FMN2: variants seen among roughly 807,000 people sequenced by gnomAD.
FMN2 encodes the protein formin-2.
FMN2 carries 51 observed loss-of-function variants against 142.3 expected under a neutral mutation model. That is an observed-to-expected ratio of 0.36 (90% confidence interval 0.29 to 0.45). The LOEUF is 0.45. FMN2 is among the 20% of genes least tolerant of loss of function. FMN2 has a pLI of 1.00. For synonymous variants in FMN2, 882 were observed against 869.8 expected, an observed-to-expected ratio of 1.01 and a Z score of -0.25; for missense variants, 1,936 against 2,122.8, an observed-to-expected ratio of 0.91 and a Z score of 1.73.
rs1661057596 is a variant in FMN2, at chr1:240,093,075, T to C, written c.966T>C (p.Ala322=). The part of the protein sequence containing the change: ...PAAKDSPSST[A]FPFPEAGPGE... Reference sequence around the variant, plus strand: ...CCAAAGACTCGCCCTCCTCCACGGCTTTCCCATTTCCCGAGGCCGGGCCGG... The same window carrying C: ...CCAAAGACTCGCCCTCCTCCACGGCCTTCCCATTTCCCGAGGCCGGGCCGG... The change falls in exon 1 of 18, where the codon GCT becomes GCC. Residue 322 remains alanine (A), a synonymous_variant. Coordinates refer to ENST00000319653, the MANE Select transcript of FMN2 (RefSeq NM_020066.5). 2 of 1,394,424 alleles carry C rather than the reference T, an allele frequency of 1.4e-6. No homozygotes were observed. The highest frequency in any genetic ancestry group is 1.6e-5 in the South Asian group (1 of 61,540). The allele number at this position is 1,394,424 out of a possible 1,614,324, so 86.4% of individuals were successfully genotyped here. A position where few individuals can be genotyped will look rare whatever the true frequency, so the allele number is the denominator to read the frequency against.
At chr1:240,116,769 T>A (rs575157927) in intron 1 of FMN2, among the ~76,000 whole-genome samples, 87 of 149,082 alleles carry the variant, frequency 5.8e-4, no homozygotes, top group African/African-American at 2.1e-3. Flanking sequence ...AAAAAAAAAA[T>A]GGAAACAAAA....
intron 14 of FMN2, among the ~76,000 whole-genome samples, chr1:240,388,876 A>G (rs865914556): frequency 1.2e-3 from 180 of 144,192 alleles, no homozygotes; most frequent in African/African-American, 4.7e-3. Context: ...AAAAAAAAAA[A>G]AGGGGGGGGG....
chr1:240,208,512 C>A lies in FMN2; in HGVS notation c.3700C>A (p.Pro1234Thr). ...CCCTCCACCTGGGACAGGAATCCCA[C>A]CGCCCCCTCTGCTTCCTGTATCAGG... ...PLPPPGTGIP[P>T]PPLLPVSGPP... The change falls in exon 5 of 18, where the codon CCG becomes ACG. Residue 1234 changes from proline (P) to threonine (T), a missense_variant. Coordinates refer to ENST00000319653, the MANE Select transcript of FMN2 (RefSeq NM_020066.5). 1 of 1,612,488 alleles carries A rather than the reference C, an allele frequency of 6.2e-7. No individual in the cohort carries two copies. The highest frequency in any genetic ancestry group is 1.3e-5 in the African/African-American group (1 of 74,640).
At chr1:240,270,354 A>G (rs1668959029) in intron 7 of FMN2, among the ~76,000 whole-genome samples, 1 of 152,088 alleles carries the variant, frequency 6.6e-6, no homozygotes, top group East Asian at 1.9e-4. Flanking sequence ...ATAACAATAG[A>G]ATTTCCACAT....
chr1:240,170,084 A>G, intron 2 of FMN2: 1 of 594,990 alleles, frequency 1.7e-6, no homozygotes, highest in Non-Finnish European at 3.0e-6. Flanking sequence ...TGGAATGAGA[A>G]TAGCAACAGT....
intron 14 of FMN2, among the ~76,000 whole-genome samples, chr1:240,367,550 C>T (rs531634880): frequency 3.9e-5 from 6 of 151,916 alleles, no homozygotes; most frequent in Non-Finnish European, 7.4e-5. Context: ...GGGTGGATCA[C>T]GAGGTCAGGA....
In FMN2 at chr1:240,290,781, T is replaced by TTTTTTG. The variant is rs1558415160; in HGVS notation, c.4154-4036_4154-4035insGTTTTT. ...TCTGGAGTGATGTCTGTTTGTTTGG[T>TTTTTTG]TTTTTTTTTTTGTTTTTTTTTTTTT... On this transcript the variant is annotated intron_variant, in intron 7 of 17. Transcript: ENST00000319653. Among the ~76,000 whole-genome samples the TTTTTTG allele has an allele frequency of 3.4e-3, 296 of 85,810 alleles. 1 individual carries two copies. The highest frequency in any genetic ancestry group is 9.3e-3 in the South Asian group (28 of 3,000). 56.3% of individuals were successfully genotyped at this position (85,810 alleles called of 152,430 possible). A position where few individuals can be genotyped will look rare whatever the true frequency, so the allele number is the denominator to read the frequency against.
chr1:240,273,403 A>G (rs1669087682), intron 7 of FMN2, among the ~76,000 whole-genome samples: 2 of 152,176 alleles, frequency 1.3e-5, no homozygotes. Flanking sequence ...TATGATCTAA[A>G]CACAGGCATT....
At chr1:240,374,071 G>C (rs1397729088) in intron 14 of FMN2, among the ~76,000 whole-genome samples, 1 of 152,154 alleles carries the variant, frequency 6.6e-6, no homozygotes, top group Non-Finnish European at 1.5e-5. Context: ...TGGGTGACCA[G>C]GTTCATGGTC....
chr1:240,329,438 C>A lies in FMN2; in HGVS notation c.4407C>A (p.Arg1469=). ...CAGAAAGCATTTGCTCAATTCGTCG[C>A]AAACTGGAATTACTACAGAAATTGT... ...TFSESICSIR[R]KLELLQKLCE... Residue 1469 remains arginine (R), a synonymous_variant, in exon 10 of 18, where the codon CGC becomes CGA. Transcript: ENST00000319653. 1 of 1,614,018 alleles carries A rather than the reference C, an allele frequency of 6.2e-7. No homozygotes were observed. Among genetic ancestry groups the A allele is most frequent in the Non-Finnish European group, 8.5e-7 (1 of 1,179,960 alleles).
intron 15 of FMN2, among the ~76,000 whole-genome samples, chr1:240,397,324 A>C (rs147828973): frequency 3.9e-5 from 6 of 152,080 alleles, no homozygotes; most frequent in Non-Finnish European, 8.8e-5. Flanking sequence ...GATTTGTTTA[A>C]GTTCCTTGTA....
chr1:240,117,079 T>C (rs547025557), intron 1 of FMN2, among the ~76,000 whole-genome samples: 1 of 152,218 alleles, frequency 6.6e-6, no homozygotes, highest in East Asian at 1.9e-4. Flanking sequence ...AAGTGAGATC[T>C]TGGCACGCAA....
Position 240,413,120 on chromosome 1 carries a change from C to CTCA in FMN2, c.4910+20558_4910+20559insTCA, listed in dbSNP as rs1259612812. ...CCTGGGCGACAAAGCGAGACTCTGT[C>CTCA]AAAAAAAAAAAAAAAAAAAAAAAAA... On this transcript the variant is annotated intron_variant, in intron 15 of 17. Transcript: ENST00000319653. 6.9e-4 allele frequency among the ~76,000 whole-genome samples: 17 copies of CTCA among 24,584 alleles called. 1 individual carries two copies. Among genetic ancestry groups the CTCA allele is most frequent in the African/African-American group, 2.0e-3 (17 of 8,628 alleles). 16.1% of individuals were successfully genotyped at this position (24,584 alleles called of 152,430 possible).
chr1:240,220,619 A>G (rs1667068403), intron 6 of FMN2, among the ~76,000 whole-genome samples: 1 of 152,042 alleles, frequency 6.6e-6, no homozygotes, highest in African/African-American at 2.4e-5. Flanking sequence ...CTAACCTCAT[A>G]CAGACCCACC....
chr1:240,215,357 C>T (rs1294919870), intron 6 of FMN2, among the ~76,000 whole-genome samples: 1 of 152,092 alleles, frequency 6.6e-6, no homozygotes, highest in Admixed American at 6.5e-5. Context: ...AGACAGGCAC[C>T]GTTAGCCTCA....
At chr1:240,136,007 G>T (rs1313905913) in intron 2 of FMN2, among the ~76,000 whole-genome samples, 1 of 150,860 alleles carries the variant, frequency 6.6e-6, no homozygotes, top group Non-Finnish European at 1.5e-5. Flanking sequence ...TCAATTTATA[G>T]TAATTTGTCC....
At chr1:240,210,975 T>G (rs1666668413) in intron 5 of FMN2, 116 bp from the exon 6 acceptor site, 1 of 884,292 alleles carries the variant, frequency 1.1e-6, no homozygotes, top group Middle Eastern at 3.7e-4. Flanking sequence ...CTCTCTTCTT[T>G]TTCCCTCCTT....
At chr1:240,467,837 TTAAAA>T (rs1676671800) in intron 16 of FMN2, among the ~76,000 whole-genome samples, 2 of 152,236 alleles carry the variant, frequency 1.3e-5, no homozygotes, top group African/African-American at 2.4e-5. Context: ...TTGTAAAATA[TTAAAA>T]TAAACATCAA....
chr1:240,093,458 C>A lies in FMN2; in HGVS notation c.1349C>A (p.Ser450Tyr), dbSNP rs973142541. 2 of 1,613,518 alleles carry A rather than the reference C, an allele frequency of 1.2e-6. No homozygotes were observed. Among genetic ancestry groups the A allele is most frequent in the South Asian group, 2.2e-5 (2 of 91,042 alleles). Reference sequence around the variant, plus strand: ...AGGATCAAGAGGCGGCCGGAACCCTCCCTGAGCCGAGGGTCCAGAACTGCC... The same window carrying A: ...AGGATCAAGAGGCGGCCGGAACCCTACCTGAGCCGAGGGTCCAGAACTGCC... The part of the protein sequence containing the change: ...SPRIKRRPEP[S>Y]LSRGSRTALA... Residue 450 changes from serine (S) to tyrosine (Y), a missense_variant, in exon 1 of 18, where the codon TCC (serine) becomes TAC (tyrosine). Ser to Tyr is a moderately radical substitution (Grantham distance 144). This residue lies in a region of FMN2 where 751 missense variants were observed against 791.8 expected (regional missense o/e 0.95). Coordinates refer to ENST00000319653, the MANE Select transcript of FMN2 (RefSeq NM_020066.5).
Sources: gnomAD v4.1 joint callset for allele counts (sites outside exome capture counted in the v4.1 genomes callset) on GRCh38, gnomAD v4.1.1 for gene constraint, gnomAD v4.1.1 regional missense constraint, MANE v1.5 for transcripts, NCBI Gene and HGNC (gene_info 2026-07-23, HGNC 2026-07-21) for gene names.